FBXL2: variants seen among roughly 807,000 people sequenced by gnomAD.
The protein encoded by FBXL2 is F-box/LRR-repeat protein 2.
In FBXL2, 38 loss-of-function variants were observed where a neutral mutation model predicts 69.2. The ratio of observed to expected loss-of-function variants is 0.55; its 90% CI spans 0.42 to 0.72. The LOEUF is 0.72. Ranked by LOEUF, FBXL2 falls within the 30% of genes least tolerant of loss-of-function variation. The probability of loss-of-function intolerance (pLI) is 0.00; values close to 1 mark genes in which losing one functional copy is unlikely to be tolerated. For missense variants in FBXL2, 354 were observed against 520.3 expected (o/e 0.68, Z 3.11); for synonymous variants, 192 against 201.3 (o/e 0.95, Z 0.39).
chr3:33,381,894 A>T (rs987473394), intron 13 of FBXL2, among the ~76,000 whole-genome samples: 1 of 152,240 alleles, frequency 6.6e-6, no homozygotes, highest in Non-Finnish European at 1.5e-5. Flanking sequence ...AATATATTCC[A>T]CATTGTTAAG....
chr3:33,277,339 G>A (rs1054903434), upstream of FBXL2: 4 of 506,836 alleles, frequency 7.9e-6, no homozygotes, highest in Non-Finnish European at 1.2e-5. Context: ...GGGGCGAGGG[G>A]TGGGCGGTCC....
At chr3:33,411,844 C>G in the FBXL2 span, among the ~76,000 whole-genome samples, 1 of 152,098 alleles carries the variant, frequency 6.6e-6, no homozygotes, top group African/African-American at 2.4e-5. Context: ...CGAAACCCAC[C>G]CTAAACGAAT....
chr3:33,352,725 G>A (rs775598562), intron 2 of FBXL2, among the ~76,000 whole-genome samples: 6 of 151,992 alleles, frequency 3.9e-5, no homozygotes, highest in South Asian at 4.1e-4. Context: ...GTAAAAATCC[G>A]TCTCTACTAA....
chr3:33,346,003 G>T (rs557026649), intron 2 of FBXL2, among the ~76,000 whole-genome samples: 1 of 152,202 alleles, frequency 6.6e-6, no homozygotes, highest in South Asian at 2.1e-4. Context: ...AAGGTGGGTG[G>T]ATCACCTGAG....
At chr3:33,313,806 GTT>G (rs1464852027) in intron 2 of FBXL2, among the ~76,000 whole-genome samples, 1 of 152,006 alleles carries the variant, frequency 6.6e-6, no homozygotes, top group Non-Finnish European at 1.5e-5. Context: ...TTGTCATTTT[GTT>G]TTGTGATTGT....
At chr3:33,347,831 C>G (rs574574176) in intron 2 of FBXL2, among the ~76,000 whole-genome samples, 8 of 151,884 alleles carry the variant, frequency 5.3e-5, no homozygotes, top group Non-Finnish European at 1.0e-4. Flanking sequence ...TGAGAAATGC[C>G]TATTCAGATC....
chr3:33,293,219 A>G (rs1323066683), intron 1 of FBXL2, among the ~76,000 whole-genome samples: 3 of 152,242 alleles, frequency 2.0e-5, no homozygotes, highest in Non-Finnish European at 4.4e-5. Context: ...CCATTTGTTA[A>G]GCACTTACTA....
At chr3:33,405,469 A>G (rs549364611), downstream of FBXL2, among the ~76,000 whole-genome samples, 1 of 152,362 alleles carries the variant, frequency 6.6e-6, no homozygotes, top group African/African-American at 2.4e-5. Flanking sequence ...TTTATGATGA[A>G]AAAACTTTAT....
chr3:33,404,858 C>A (rs1045125841), downstream of FBXL2, among the ~76,000 whole-genome samples: 1 of 151,668 alleles, frequency 6.6e-6, no homozygotes, highest in African/African-American at 2.4e-5. Context: ...ATGACACTAC[C>A]GAAAGAAAAA....
At chr3:33,397,011 C>T in intron 12 of FBXL2, 1 of 1,570,712 alleles carries the variant, frequency 6.4e-7, no homozygotes, top group Non-Finnish European at 8.7e-7. Context: ...AAGGTACATT[C>T]TTATTTCAAG....
the FBXL2 span, chr3:33,409,318 G>C: frequency 1.2e-6 from 2 of 1,614,106 alleles, no homozygotes; most frequent in Non-Finnish European, 1.7e-6. Context: ...CTCTCGGTCA[G>C]TTTTTTGTTT....
At chr3:33,412,629 C>G in the FBXL2 span, 8 of 855,268 alleles carry the variant, frequency 9.4e-6, no homozygotes, top group East Asian at 2.0e-4. Context: ...AAAACTTTCC[C>G]CACACAAGTA....
chr3:33,377,050 A>G (rs1442714848), intron 10 of FBXL2, among the ~76,000 whole-genome samples: 2 of 152,190 alleles, frequency 1.3e-5, no homozygotes, highest in Non-Finnish European at 2.9e-5. Context: ...TTAGAATACT[A>G]TTTAAAAACA....
intron 2 of FBXL2, among the ~76,000 whole-genome samples, chr3:33,329,771 C>T (rs1367705076): frequency 2.0e-5 from 3 of 151,968 alleles, no homozygotes; most frequent in South Asian, 2.1e-4. Flanking sequence ...GTGGGAGGAC[C>T]GTTTGAGACC....
At position 33,364,863 on chromosome 3, in the gene FBXL2, G is replaced by A; in HGVS notation, c.290+144G>A. The A allele has an allele frequency of 2.3e-5, 17 of 742,616 alleles. 1 individual carries two copies. In the South Asian group the frequency reaches 3.0e-4, roughly 13 times the overall value. 46.0% of individuals were successfully genotyped at this position (742,616 alleles called of 1,614,324 possible). Reference sequence around the variant, plus strand: ...AGAGTAATGAGAGGACCAGGACTTTGGAATAGCAAACCTGGGTTGGAAACC... The same window carrying A: ...AGAGTAATGAGAGGACCAGGACTTTAGAATAGCAAACCTGGGTTGGAAACC... On this transcript the variant is annotated intron_variant, in intron 5 of 14. Coordinates refer to ENST00000484457, the MANE Select transcript of FBXL2 (RefSeq NM_012157.5).
intron 2 of FBXL2, among the ~76,000 whole-genome samples, chr3:33,332,946 A>T (rs78069868): frequency 0.014 from 2,181 of 152,352 alleles, 22 homozygotes; most frequent in South Asian, 0.037. Flanking sequence ...ACATGTTACA[A>T]TGTGGATTAA....
At chr3:33,377,764 G>C (rs2042740455) in intron 11 of FBXL2, among the ~76,000 whole-genome samples, 1 of 152,170 alleles carries the variant, frequency 6.6e-6, no homozygotes, top group Admixed American at 6.5e-5. Flanking sequence ...CCACAGTGTG[G>C]CTTAGTGCCC....
intron 2 of FBXL2, among the ~76,000 whole-genome samples, chr3:33,303,518 A>G (rs1440543879): frequency 6.6e-6 from 1 of 152,156 alleles, no homozygotes; most frequent in Non-Finnish European, 1.5e-5. Context: ...TGAAACATCA[A>G]TAGAGCTTTT....
intron 4 of FBXL2, among the ~76,000 whole-genome samples, chr3:33,362,012 T>C (rs35468546): frequency 0.27 from 41,331 of 152,054 alleles, 6,475 homozygotes; most frequent in East Asian, 0.47. Flanking sequence ...CTGTTGTAAG[T>C]ACCATATTAA....
Sources: gnomAD v4.1 joint callset for allele counts (sites outside exome capture counted in the v4.1 genomes callset) on GRCh38, gnomAD v4.1.1 for gene constraint, MANE v1.5 for transcripts, NCBI Gene and HGNC (gene_info 2026-07-23, HGNC 2026-07-21) for gene names.